Variants in DGKB observed in about 807,000 individuals in gnomAD.
The protein encoded by DGKB is diacylglycerol kinase beta, also known as 90 kDa diacylglycerol kinase.
In DGKB, 67 loss-of-function variants were observed where a neutral mutation model predicts 114.3. That is an observed-to-expected ratio of 0.59 (90% CI 0.48 to 0.72). The LOEUF (loss-of-function observed/expected upper bound fraction) is 0.72, where lower values mean the gene tolerates loss of function less well. Ranked by LOEUF, DGKB falls within the 30% of genes least tolerant of loss-of-function variation. The probability of loss-of-function intolerance (pLI) is 0.00; values close to 1 mark genes in which losing one functional copy is unlikely to be tolerated. For missense variants in DGKB, 907 were observed against 975.2 expected, an observed-to-expected ratio of 0.93 and a Z score of 0.93; for synonymous variants, 398 against 323.1, an observed-to-expected ratio of 1.23 and a Z score of -2.49.
chr7:14,679,880 A>G (rs894605763), intron 12 of DGKB, among the ~76,000 whole-genome samples: 1 of 152,086 alleles, frequency 6.6e-6, no homozygotes, highest in African/African-American at 2.4e-5. Context: ...TAACCAAGGC[A>G]CAAAATCAAT....
At chr7:14,811,838 G>A (rs1238015768) in intron 2 of DGKB, among the ~76,000 whole-genome samples, 1 of 133,364 alleles carries the variant, frequency 7.5e-6, no homozygotes, top group Non-Finnish European at 1.6e-5. Context: ...GTACAGTTAT[G>A]TGATATTAAG....
At chr7:14,964,580 A>C (rs1280691890) in intron 1 of DGKB, among the ~76,000 whole-genome samples, 1 of 152,164 alleles carries the variant, frequency 6.6e-6, no homozygotes, top group Non-Finnish European at 1.5e-5. Flanking sequence ...AAAGGCCAGT[A>C]AATCAATGAT....
At chr7:14,518,311 A>C (rs1473456471) in intron 20 of DGKB, among the ~76,000 whole-genome samples, 1 of 152,080 alleles carries the variant, frequency 6.6e-6, no homozygotes, top group African/African-American at 2.4e-5. Flanking sequence ...GAACTCTTTG[A>C]GGGTGAAGAT....
chr7:14,217,460 T>C (rs995816448), intron 23 of DGKB, among the ~76,000 whole-genome samples: 17 of 152,218 alleles, frequency 1.1e-4, no homozygotes, highest in African/African-American at 3.6e-4. Context: ...AAAAAAATCA[T>C]CACAAATCAT....
At chr7:14,685,407 C>A (rs1821514859) in intron 9 of DGKB, 45 bp from the exon 10 acceptor site, 3 of 1,384,068 alleles carry the variant, frequency 2.2e-6, no homozygotes, top group African/African-American at 1.4e-5. Flanking sequence ...ATGAAATAAA[C>A]AGTGAAAGAT....
chr7:14,437,488 A>G (rs1309182140), intron 21 of DGKB, among the ~76,000 whole-genome samples: 3 of 152,058 alleles, frequency 2.0e-5, no homozygotes, highest in Non-Finnish European at 2.9e-5. Flanking sequence ...CCACTCTTAA[A>G]AGTATGCTAA....
chr7:14,249,413 G>A (rs914335192), intron 23 of DGKB, among the ~76,000 whole-genome samples: 1 of 152,104 alleles, frequency 6.6e-6, no homozygotes, highest in African/African-American at 2.4e-5. Flanking sequence ...AGTTTAGGAA[G>A]CACTGGCATT....
chr7:14,392,801 C>T (rs911738103), intron 21 of DGKB, among the ~76,000 whole-genome samples: 2 of 152,034 alleles, frequency 1.3e-5, no homozygotes, highest in African/African-American at 4.8e-5. Context: ...AGAATTTGAT[C>T]AGTCACATTC....
chr7:14,715,328 G>T (rs2128342210), intron 6 of DGKB, among the ~76,000 whole-genome samples: 1 of 152,244 alleles, frequency 6.6e-6, no homozygotes, highest in Non-Finnish European at 1.5e-5. Context: ...GAAGTGAATG[G>T]CTGAAAGAAA....
At chr7:14,520,633 G>C (rs1320453865) in intron 20 of DGKB, among the ~76,000 whole-genome samples, 1 of 151,788 alleles carries the variant, frequency 6.6e-6, no homozygotes, top group East Asian at 1.9e-4. Flanking sequence ...TGTTTTCCCA[G>C]ATTTTTTTCT....
intron 23 of DGKB, among the ~76,000 whole-genome samples, chr7:14,334,900 G>A (rs1346115427): frequency 6.6e-6 from 1 of 152,112 alleles, no homozygotes; most frequent in East Asian, 1.9e-4. Flanking sequence ...TCAAGACTAT[G>A]CCATCTATAT....
intron 20 of DGKB, among the ~76,000 whole-genome samples, chr7:14,504,227 A>C (rs932128797): frequency 6.6e-6 from 1 of 152,138 alleles, no homozygotes; most frequent in African/African-American, 2.4e-5. Flanking sequence ...CAAACTTTTC[A>C]TGGAGCCTTG....
intron 1 of DGKB, among the ~76,000 whole-genome samples, chr7:14,877,804 A>T (rs1260536833): frequency 1.3e-5 from 2 of 152,230 alleles, no homozygotes; most frequent in Non-Finnish European, 2.9e-5. Flanking sequence ...TAAGTTCCAC[A>T]AACAATAATT....
intron 23 of DGKB, among the ~76,000 whole-genome samples, chr7:14,272,595 G>C (rs911834467): frequency 1.3e-5 from 2 of 152,082 alleles, no homozygotes; most frequent in African/African-American, 4.8e-5. Context: ...CATACTGTTA[G>C]CACCTCCTTA....
intron 5 of DGKB, among the ~76,000 whole-genome samples, chr7:14,729,671 T>A (rs943450146): frequency 6.6e-6 from 1 of 152,156 alleles, no homozygotes; most frequent in African/African-American, 2.4e-5. Context: ...CCTGCAACGG[T>A]TCACCTCCTC....
At chr7:14,254,108 A>G (rs1486361523) in intron 23 of DGKB, among the ~76,000 whole-genome samples, 1 of 152,198 alleles carries the variant, frequency 6.6e-6, no homozygotes, top group African/African-American at 2.4e-5. Context: ...GGAGGGGACT[A>G]TATTCTATAG....
At chr7:14,188,900 A>G (rs1783883274) in intron 23 of DGKB, among the ~76,000 whole-genome samples, 2 of 152,124 alleles carry the variant, frequency 1.3e-5, no homozygotes, top group Non-Finnish European at 2.9e-5. Flanking sequence ...CTGAAAGAAA[A>G]AAAAGCTGTC....
intron 23 of DGKB, among the ~76,000 whole-genome samples, chr7:14,216,808 G>A (rs552140198): frequency 6.6e-6 from 1 of 151,822 alleles, no homozygotes; most frequent in East Asian, 1.9e-4. Flanking sequence ...GGTGGGGAGG[G>A]AGGTGTGTGT....
At chr7:14,393,765 GT>G (rs1472337509) in intron 21 of DGKB, among the ~76,000 whole-genome samples, 2 of 152,110 alleles carry the variant, frequency 1.3e-5, no homozygotes, top group Admixed American at 1.3e-4. Flanking sequence ...TTTTTATAGT[GT>G]CTAACGATTT....
Sources: gnomAD v4.1 joint callset for allele counts (sites outside exome capture counted in the v4.1 genomes callset) on GRCh38, gnomAD v4.1.1 for gene constraint, MANE v1.5 for transcripts, NCBI Gene and HGNC (gene_info 2026-07-23, HGNC 2026-07-21) for gene names.